The following IMMP2L variants were observed in gnomAD, a reference collection of about 807,000 sequenced individuals.
IMMP2L encodes mitochondrial inner membrane protease subunit 2.
In IMMP2L, 18 loss-of-function variants were observed where a neutral mutation model predicts 19.3. The observed-to-expected ratio is 0.93, with a 90% CI of 0.64 to 1.38. The LOEUF is 1.38. IMMP2L is among the 40% of genes most tolerant of loss of function. The pLI is 0.00. For missense variants in IMMP2L, 233 were observed against 218.2 expected, an observed-to-expected ratio of 1.07 and a Z score of -0.43; for synonymous variants, 76 against 73.0, an observed-to-expected ratio of 1.04 and a Z score of -0.21.
chr7:111,044,726 T>C (rs1792223820), intron 3 of IMMP2L, among the ~76,000 whole-genome samples: 1 of 152,078 alleles, frequency 6.6e-6, no homozygotes, highest in Non-Finnish European at 1.5e-5. Context: ...GCATGACCAA[T>C]GGAAAGAAAC....
chr7:111,424,147 C>T (rs981413024), intron 3 of IMMP2L, among the ~76,000 whole-genome samples: 1 of 151,808 alleles, frequency 6.6e-6, no homozygotes, highest in African/African-American at 2.4e-5. Context: ...AATTCTGATT[C>T]GTTAGAGGTT....
intron 5 of IMMP2L, among the ~76,000 whole-genome samples, chr7:110,719,098 A>G (rs533195689): frequency 6.6e-6 from 1 of 152,362 alleles, no homozygotes; most frequent in Admixed American, 6.5e-5. Context: ...AAATCGGGTG[A>G]TTAATGATGT....
intron 3 of IMMP2L, among the ~76,000 whole-genome samples, chr7:111,362,530 T>C (rs772190435): frequency 1.3e-4 from 20 of 152,104 alleles, no homozygotes; most frequent in Non-Finnish European, 2.6e-4. Flanking sequence ...GTTCACTAAG[T>C]AGATGAGAAG....
intron 5 of IMMP2L, among the ~76,000 whole-genome samples, chr7:110,721,788 C>G (rs916500405): frequency 6.6e-6 from 1 of 151,880 alleles, no homozygotes; most frequent in African/African-American, 2.4e-5. Flanking sequence ...GTGTGCTTAC[C>G]GGAAGGGACT....
In IMMP2L at chr7:111,059,571, A is replaced by T. The variant is rs984168271; in HGVS notation, c.240-96006T>A. 4.6e-5 allele frequency among the ~76,000 whole-genome samples: 7 copies of T among 152,104 alleles called. 1 individual carries two copies. The highest frequency in any genetic ancestry group is 2.6e-4 in the Admixed American group (4 of 15,258). On this transcript the variant is annotated intron_variant, in intron 3 of 5. Coordinates refer to ENST00000405709, the MANE Select transcript of IMMP2L (RefSeq NM_032549.4). ...GAGGGGAGGGGTCTATGTTATTATC[A>T]CCTCTCTTCTCCCAGGGACTAAAAT...
intron 4 of IMMP2L, among the ~76,000 whole-genome samples, chr7:110,925,437 AT>A (rs200156686): frequency 1.8e-4 from 27 of 152,118 alleles, no homozygotes; most frequent in African/African-American, 2.9e-4. Context: ...TTAAAAATAA[AT>A]TTTTTTTAAT....
At chr7:111,531,347 A>G (rs1585543905) in intron 1 of IMMP2L, among the ~76,000 whole-genome samples, 1 of 151,492 alleles carries the variant, frequency 6.6e-6, no homozygotes, top group East Asian at 1.9e-4. Context: ...TTTGGAAACC[A>G]TATAAAGCAA....
intron 3 of IMMP2L, among the ~76,000 whole-genome samples, chr7:111,087,049 CAG>C (rs1329207296): frequency 6.6e-6 from 1 of 152,136 alleles, no homozygotes; most frequent in East Asian, 1.9e-4. Context: ...TGTAAGCAGA[CAG>C]AACTGAGTTC....
At chr7:110,973,892 A>G (rs1820417067) in intron 3 of IMMP2L, among the ~76,000 whole-genome samples, 1 of 152,120 alleles carries the variant, frequency 6.6e-6, no homozygotes, top group African/African-American at 2.4e-5. Context: ...AAACATGACC[A>G]ACAACTTTCT....
intron 3 of IMMP2L, among the ~76,000 whole-genome samples, chr7:111,168,272 T>C (rs1455580216): frequency 6.6e-6 from 1 of 151,862 alleles, no homozygotes; most frequent in Non-Finnish European, 1.5e-5. Context: ...CTTGTGGGCT[T>C]TAAGTTCTGT....
At chr7:110,821,439 A>G (rs1350954741) in intron 5 of IMMP2L, among the ~76,000 whole-genome samples, 1 of 152,110 alleles carries the variant, frequency 6.6e-6, no homozygotes, top group Non-Finnish European at 1.5e-5. Flanking sequence ...CTCTGCTTGT[A>G]TATCAGATAT....
intron 3 of IMMP2L, among the ~76,000 whole-genome samples, chr7:111,172,625 A>G (rs1244928188): frequency 1.3e-5 from 2 of 151,410 alleles, no homozygotes; most frequent in Non-Finnish European, 3.0e-5. Flanking sequence ...AAATCCATTA[A>G]CCAGCCTTTG....
intron 5 of IMMP2L, among the ~76,000 whole-genome samples, chr7:110,793,420 A>AAAAC (rs146489810): frequency 0.53 from 79,718 of 149,966 alleles, 24,943 homozygotes; most frequent in East Asian, 0.77. Context: ...ACTCTGTCTC[A>AAAAC]AAACAAACAA....
At chr7:111,250,860 C>T (rs1223047527) in intron 3 of IMMP2L, among the ~76,000 whole-genome samples, 1 of 152,058 alleles carries the variant, frequency 6.6e-6, no homozygotes, top group Non-Finnish European at 1.5e-5. Context: ...GAGTTTATGA[C>T]AAAAACACCA....
At chr7:111,138,355 A>G (rs1050399586) in intron 3 of IMMP2L, among the ~76,000 whole-genome samples, 1 of 152,176 alleles carries the variant, frequency 6.6e-6, no homozygotes, top group African/African-American at 2.4e-5. Context: ...GAAAATAACC[A>G]AAAGCTCTCA....
In IMMP2L at chr7:111,416,526, G is replaced by A. The variant is rs114233989; in HGVS notation, c.239+70712C>T. Among the ~76,000 whole-genome samples the A allele has an allele frequency of 3.5e-3, 536 of 151,850 alleles. 19 individuals carry two copies. The highest frequency in any genetic ancestry group is 0.013 in the African/African-American group (518 of 41,260). The stretch of plus-strand genomic sequence containing the variant: ...CAACCAAATAATCCACTTTCCCTCT[G>A]TCTTTGGAGATGCCTTATTAAATTT... On this transcript the variant is annotated intron_variant, in intron 3 of 5. Transcript: ENST00000405709.
chr7:110,698,804 G>C (rs1227064420), intron 5 of IMMP2L, among the ~76,000 whole-genome samples: 1 of 152,164 alleles, frequency 6.6e-6, no homozygotes, highest in Non-Finnish European at 1.5e-5. Context: ...GTCATCACTT[G>C]CAAGTCTTTC....
intron 3 of IMMP2L, among the ~76,000 whole-genome samples, chr7:111,217,097 G>GTCTCTCTC (rs34795971): frequency 1.4e-4 from 18 of 126,882 alleles, no homozygotes; most frequent in African/African-American, 5.5e-4. Context: ...CTCTCCCTCC[G>GTCTCTCTC]TCTCTCTCTC....
At chr7:111,402,991 A>ACCG (rs1833572653) in intron 3 of IMMP2L, among the ~76,000 whole-genome samples, 2 of 45,506 alleles carry the variant, frequency 4.4e-5, no homozygotes, top group African/African-American at 2.2e-4. Flanking sequence ...TGCAGCCTTG[A>ACCG]CCCCCCCCCC....
Sources: gnomAD v4.1 joint callset for allele counts (sites outside exome capture counted in the v4.1 genomes callset) on GRCh38, gnomAD v4.1.1 for gene constraint, MANE v1.5 for transcripts, NCBI Gene and HGNC (gene_info 2026-07-23, HGNC 2026-07-21) for gene names.